The following FAM81B variants were observed in gnomAD, a reference collection of about 807,000 sequenced individuals.
FAM81B encodes the protein family with sequence similarity 81 member B, also known as protein FAM81B.
A neutral mutation model predicts 58.7 loss-of-function variants in FAM81B; 60 were observed. The observed-to-expected ratio is 1.02, with a 90% CI of 0.83 to 1.27. FAM81B has a LOEUF of 1.27. Among genes scored for constraint, FAM81B ranks in the 50% most tolerant of loss-of-function variants. The pLI, the probability that FAM81B is intolerant of heterozygous loss-of-function variation, is 0.00. For missense variants in FAM81B, 491 were observed against 522.0 expected (o/e 0.94, Z 0.58); for synonymous variants, 189 against 179.6 (o/e 1.05, Z -0.42).
chr5:95,415,069 C>T (rs779360667), intron 4 of FAM81B, among the ~76,000 whole-genome samples: 3 of 152,184 alleles, frequency 2.0e-5, no homozygotes, highest in African/African-American at 4.8e-5. Context: ...AATTTTAAGG[C>T]ATTAGAGTAA....
chr5:95,420,657 A>G (rs1762655636), intron 5 of FAM81B, among the ~76,000 whole-genome samples: 1 of 152,210 alleles, frequency 6.6e-6, no homozygotes, highest in Non-Finnish European at 1.5e-5. Context: ...TGCAGCCTCA[A>G]CCGTCCAAAT....
At chr5:95,429,080 T>C (rs1012466055) in intron 6 of FAM81B, among the ~76,000 whole-genome samples, 7 of 152,170 alleles carry the variant, frequency 4.6e-5, no homozygotes, top group Non-Finnish European at 8.8e-5. Flanking sequence ...GAAGCTATTA[T>C]TATTAAAAGT....
At chr5:95,399,117 A>G (rs1218267133) in intron 3 of FAM81B, among the ~76,000 whole-genome samples, 1 of 152,218 alleles carries the variant, frequency 6.6e-6, no homozygotes, top group Non-Finnish European at 1.5e-5. Context: ...TTTTGTGAAG[A>G]TGAGGGTCTG....
intron 3 of FAM81B, chr5:95,396,573 C>T (rs1446867336): frequency 6.3e-6 from 1 of 158,070 alleles, no homozygotes; most frequent in African/African-American, 2.4e-5. Flanking sequence ...TTTCACTAAT[C>T]ACTAGAAGAT....
At chr5:95,417,078 T>A (rs369565398) in intron 4 of FAM81B, among the ~76,000 whole-genome samples, 3 of 152,176 alleles carry the variant, frequency 2.0e-5, no homozygotes, top group Admixed American at 2.0e-4. Context: ...TCTTTGTGCA[T>A]AAATATGTAT....
chr5:95,435,969 T>G (rs1745082872), intron 6 of FAM81B, among the ~76,000 whole-genome samples: 1 of 152,202 alleles, frequency 6.6e-6, no homozygotes. Flanking sequence ...ACTCCCCTCT[T>G]TCTTTCATAA....
In FAM81B at chr5:95,392,899, C is replaced by A. The variant is rs111229089; in HGVS notation, c.228+2C>A. On this transcript the variant is annotated splice_donor_variant, in intron 2 of 9. Transcript: ENST00000283357. LOFTEE classifies it high-confidence loss of function. ...TCAGACAATAACCAAGAAAAGAAAG[C>A]AAGTACTTTTCAATATTCACATTAA... 1 of 1,600,248 alleles carries A rather than the reference C, an allele frequency of 6.2e-7. No individual in the cohort carries two copies.
At chr5:95,395,428 G>T (rs961749725) in intron 2 of FAM81B, among the ~76,000 whole-genome samples, 14 of 135,212 alleles carry the variant, frequency 1.0e-4, no homozygotes, top group Non-Finnish European at 1.5e-5. Flanking sequence ...GGGCGACAGA[G>T]CGAGACCCCG....
intron 9 of FAM81B, chr5:95,448,705 T>C (rs956971070): frequency 4.0e-6 from 2 of 501,928 alleles, no homozygotes; most frequent in East Asian, 4.0e-5. Flanking sequence ...TTTTTTTTTT[T>C]TTTTTTTTTA....
At chr5:95,412,231 C>A (rs1582797142) in intron 3 of FAM81B, among the ~76,000 whole-genome samples, 2 of 151,976 alleles carry the variant, frequency 1.3e-5, no homozygotes, top group African/African-American at 2.4e-5. Flanking sequence ...TGAAATTCTT[C>A]TATGATTCGA....
intron 3 of FAM81B, among the ~76,000 whole-genome samples, chr5:95,403,351 C>T (rs959342782): frequency 1.3e-5 from 2 of 152,144 alleles, no homozygotes; most frequent in Non-Finnish European, 2.9e-5. Flanking sequence ...TGTAGTATTA[C>T]AGGTATGGAC....
chr5:95,426,478 T>C (rs972722649), intron 5 of FAM81B, among the ~76,000 whole-genome samples: 2 of 152,052 alleles, frequency 1.3e-5, no homozygotes, highest in Non-Finnish European at 2.9e-5. Flanking sequence ...TATCTGCTAA[T>C]CTTATGTGGG....
At chr5:95,423,019 C>T (rs1762728497) in intron 5 of FAM81B, among the ~76,000 whole-genome samples, 1 of 152,128 alleles carries the variant, frequency 6.6e-6, no homozygotes, top group East Asian at 1.9e-4. Context: ...CTTAAATTCA[C>T]CCTCCCTCTC....
chr5:95,399,480 G>GCCC (rs112271049), intron 3 of FAM81B, among the ~76,000 whole-genome samples: 24 of 149,900 alleles, frequency 1.6e-4, no homozygotes, highest in African/African-American at 4.9e-4. Flanking sequence ...TTCTTTTCAT[G>GCCC]CCCCCCCCCA....
At chr5:95,448,978 G>A (rs1215997162) in intron 9 of FAM81B, among the ~76,000 whole-genome samples, 1 of 152,118 alleles carries the variant, frequency 6.6e-6, no homozygotes, top group African/African-American at 2.4e-5. Flanking sequence ...GTGTCAAGCT[G>A]AGCTAACATC....
In FAM81B at chr5:95,446,654, T is replaced by A; in HGVS notation, c.986T>A (p.Leu329Gln). The change falls in exon 8 of 10, where the codon CTG (leucine) becomes CAG (glutamine). Residue 329 changes from leucine to glutamine, a missense_variant. Coordinates refer to ENST00000283357, the MANE Select transcript of FAM81B (RefSeq NM_152548.3). ...TTTCTCAAATATAGAAAAGACCACC[T>A]GGGCCATATAAATGAATGTCTGAAG... Reference protein sequence around the residue: ...NQFLKYRKDHLGHINECLKVL... With the variant: ...NQFLKYRKDHQGHINECLKVL... 3 of 1,611,690 alleles carry A rather than the reference T, an allele frequency of 1.9e-6. No individual in the cohort carries two copies. The highest frequency in any genetic ancestry group is 2.5e-6 in the Non-Finnish European group (3 of 1,179,470).
At chr5:95,438,201 T>C (rs1398334378) in intron 7 of FAM81B, among the ~76,000 whole-genome samples, 1 of 152,224 alleles carries the variant, frequency 6.6e-6, no homozygotes, top group African/African-American at 2.4e-5. Context: ...ATATTCATGT[T>C]CTTCATAGTC....
chr5:95,426,084 ATC>A (rs1165356162), intron 5 of FAM81B, among the ~76,000 whole-genome samples: 2 of 114,534 alleles, frequency 1.7e-5, no homozygotes, highest in East Asian at 2.6e-4. Flanking sequence ...TTTTCTTCCT[ATC>A]TCTGTGTGTA....
intron 9 of FAM81B, chr5:95,448,701 T>C (rs1376666153): frequency 2.0e-6 from 1 of 496,344 alleles, no homozygotes; most frequent in Non-Finnish European, 3.7e-6. Flanking sequence ...GAATTTTTTT[T>C]TTTTTTTTTT....
Sources: gnomAD v4.1 joint callset for allele counts (sites outside exome capture counted in the v4.1 genomes callset) on GRCh38, gnomAD v4.1.1 for gene constraint, MANE v1.5 for transcripts, NCBI Gene and HGNC (gene_info 2026-07-23, HGNC 2026-07-21) for gene names.